Variants in CDKL5 observed in about 807,000 individuals in gnomAD.
CDKL5 encodes cyclin-dependent kinase-like 5.
CDKL5 carries 8 observed loss-of-function variants against 61.7 expected under a neutral mutation model. The ratio of observed to expected loss-of-function variants is 0.13; its 90% confidence interval spans 0.08 to 0.23. The LOEUF is 0.23. Ranked by LOEUF, CDKL5 falls within the 10% of genes least tolerant of loss-of-function variation. The pLI is 1.00. For missense variants in CDKL5, 440 were observed against 734.5 expected (o/e 0.60, Z 4.63); for synonymous variants, 275 against 272.3 (o/e 1.01, Z -0.10).
chrX:18,487,517 T>C (rs1290788089), intron 1 of CDKL5, among the ~76,000 whole-genome samples: 1 of 112,886 alleles, frequency 8.9e-6, no homozygotes, highest in East Asian at 2.8e-4. Flanking sequence ...CAGGCTTGTC[T>C]TGAACTCCAG....
chrX:18,527,767 CTTCT>C (rs1361236545), intron 3 of CDKL5, among the ~76,000 whole-genome samples: 3 of 111,124 alleles, frequency 2.7e-5, no homozygotes, highest in African/African-American at 9.8e-5. Flanking sequence ...TTAAGTTGCC[CTTCT>C]TTCTTTTCTT....
chrX:18,647,815 C>T (rs1569230421), intron 20 of CDKL5, among the ~76,000 whole-genome samples: 1 of 110,856 alleles, frequency 9.0e-6, no homozygotes, highest in Admixed American at 9.6e-5. Context: ...CACAGTGAGA[C>T]GCAAGAAGGG....
chrX:18,593,929 G>T (rs1925908437), intron 9 of CDKL5, among the ~76,000 whole-genome samples: 1 of 111,656 alleles, frequency 9.0e-6, no homozygotes, highest in Non-Finnish European at 1.9e-5. Flanking sequence ...AAACCATCTT[G>T]GTCTTTCCTT....
chrX:18,604,855 T>C lies in CDKL5; in HGVS notation c.1931T>C (p.Leu644Pro). Residue 644 changes from leucine to proline, a missense_variant, in exon 12 of 18, where the codon CTC (leucine) becomes CCC (proline). Coordinates refer to ENST00000623535, the MANE Select transcript of CDKL5 (RefSeq NM_001323289.2). ...GMAARANSLQ[L>P]LSPQPGEQLP... ...GCAGCTAGAGCCAACAGCCTGCAAC[T>C]CTTGTCACCCCAGGTACAGTTGAGC... The C allele has an allele frequency of 8.3e-7, 1 of 1,211,493 alleles. No homozygotes were observed. The highest frequency in any genetic ancestry group is 1.1e-6 in the Non-Finnish European group (1 of 895,460).
At chrX:18,647,958 T>G (rs900348232) in intron 20 of CDKL5, among the ~76,000 whole-genome samples, 10 of 111,788 alleles carry the variant, frequency 8.9e-5, no homozygotes, top group African/African-American at 3.3e-4. Context: ...AAGGAACTGC[T>G]TTTTCCCAGT....
chrX:18,483,081 T>G (rs1386306991), intron 1 of CDKL5, among the ~76,000 whole-genome samples: 2 of 112,047 alleles, frequency 1.8e-5, no homozygotes, highest in Non-Finnish European at 3.8e-5. Flanking sequence ...TGAGATGATA[T>G]AATAAATCCC....
rs747462040 is a variant in CDKL5 at position 18,634,578 on chromosome X, G to T, written c.*5821G>T. 2 of 752,494 alleles carry T rather than the reference G, an allele frequency of 2.7e-6. No individual in the cohort carries two copies. Among genetic ancestry groups the T allele is most frequent in the African/African-American group, 4.6e-5 (2 of 43,232 alleles). The allele number at this position is 752,494 out of a possible 1,213,427, so 62.0% of individuals were successfully genotyped here. A position where few individuals can be genotyped will look rare whatever the true frequency, so the allele number is the denominator to read the frequency against. ...TTTTCCAAAATGGAAAGCAAAGCTT[G>T]CAGACAACCTGTTTTCTCTAGAGAC... On this transcript the variant is annotated 3_prime_UTR_variant, in exon 18 of 18. Transcript: ENST00000623535.
At chrX:18,471,561 C>T (rs935483669) in intron 1 of CDKL5, among the ~76,000 whole-genome samples, 27 of 109,853 alleles carry the variant, frequency 2.5e-4, no homozygotes, top group African/African-American at 8.3e-4. Flanking sequence ...TTTGTAGAGA[C>T]GAGGTCTCCT....
At chrX:18,525,071 T>C (rs1399477625) in intron 3 of CDKL5, among the ~76,000 whole-genome samples, 1 of 111,276 alleles carries the variant, frequency 9.0e-6, no homozygotes, top group African/African-American at 3.3e-5. Flanking sequence ...TATAGGCTCA[T>C]GCCACCATGC....
chrX:18,470,533 A>G (rs1921055849), intron 1 of CDKL5, among the ~76,000 whole-genome samples: 1 of 111,139 alleles, frequency 9.0e-6, no homozygotes, highest in Non-Finnish European at 1.9e-5. Flanking sequence ...TTAATTGCTG[A>G]ATTTTGAGTA....
At chrX:18,482,827 T>C (rs919118190) in intron 1 of CDKL5, among the ~76,000 whole-genome samples, 9 of 111,860 alleles carry the variant, frequency 8.0e-5, no homozygotes, top group African/African-American at 2.9e-4. Flanking sequence ...TAGTTCTAAA[T>C]TGTTGAGGCC....
In CDKL5 at chrX:18,503,240, A is replaced by G. The variant is rs1424296947; in HGVS notation, c.-162-3695A>G. Among the ~76,000 whole-genome samples the G allele has an allele frequency of 5.3e-5, 6 of 112,423 alleles. No homozygotes were observed. The East Asian group carries it at 1.4e-3, about 26-fold the overall frequency. Reference sequence around the variant, plus strand: ...GCTCTATTGTCCAGGCTAGAGTGCAATGGCACAATCTTGGCTTACTGCAGC... The same window carrying G: ...GCTCTATTGTCCAGGCTAGAGTGCAGTGGCACAATCTTGGCTTACTGCAGC... On this transcript the variant is annotated intron_variant, in intron 1 of 17. Coordinates refer to ENST00000623535, the MANE Select transcript of CDKL5 (RefSeq NM_001323289.2).
Position 18,634,405 on chromosome X carries a change from C to T in CDKL5, c.*5648C>T, listed in dbSNP as rs1209587746. ...AAAGGTAGATGCCTTGACTTTTGTCCCTGTTGTGGGGACTAAAGTGTTTTT... is the reference window on the plus strand; with the variant it reads ...AAAGGTAGATGCCTTGACTTTTGTCTCTGTTGTGGGGACTAAAGTGTTTTT... On this transcript the variant is annotated 3_prime_UTR_variant, in exon 18 of 18. Coordinates refer to ENST00000623535, the MANE Select transcript of CDKL5 (RefSeq NM_001323289.2). 2 of 751,915 alleles carry T rather than the reference C, an allele frequency of 2.7e-6. No homozygotes were observed. The highest frequency in any genetic ancestry group is 1.6e-6 in the Non-Finnish European group (1 of 638,593). The allele number at this position is 751,915 out of a possible 1,213,427, so 62.0% of individuals were successfully genotyped here. A position where few individuals can be genotyped will look rare whatever the true frequency, so the allele number is the denominator to read the frequency against.
In CDKL5 at chrX:18,546,469, C is replaced by T. The variant is rs1924205168; in HGVS notation, c.100-18008C>T. Among the ~76,000 whole-genome samples the T allele has an allele frequency of 2.7e-5, 3 of 110,475 alleles. No homozygotes were observed. The South Asian group carries it at 1.2e-3, about 43-fold the overall frequency. ...TAGAGATGGGGTTTCACCATGTTGG[C>T]CAGGCTGGTCTCGGACCTCCTGACC... On this transcript the variant is annotated intron_variant, in intron 3 of 17. Coordinates refer to ENST00000623535, the MANE Select transcript of CDKL5 (RefSeq NM_001323289.2).
At chrX:18,552,225 GA>G (rs2147123085) in intron 3 of CDKL5, among the ~76,000 whole-genome samples, 1 of 99,367 alleles carries the variant, frequency 1.0e-5, no homozygotes, top group Non-Finnish European at 2.0e-5. Context: ...GCAACAGAGT[GA>G]GACTCCGTCT....
chrX:18,458,367 CAT>C (rs1300716159), intron 1 of CDKL5, among the ~76,000 whole-genome samples: 1 of 111,811 alleles, frequency 8.9e-6, no homozygotes, highest in Non-Finnish European at 1.9e-5. Flanking sequence ...ATATGATGGA[CAT>C]GTGTAGAATT....
At chrX:18,511,969 G>A (rs1358473672) in intron 3 of CDKL5, among the ~76,000 whole-genome samples, 2 of 111,927 alleles carry the variant, frequency 1.8e-5, no homozygotes, top group Non-Finnish European at 3.8e-5. Context: ...GGATAATAGT[G>A]TAGATTATGA....
At chrX:18,625,931 T>A (rs1471163633) in intron 17 of CDKL5, among the ~76,000 whole-genome samples, 2 of 111,947 alleles carry the variant, frequency 1.8e-5, no homozygotes, top group Non-Finnish European at 3.8e-5. Context: ...TTTTTTGATA[T>A]TGAGTATTTT....
At position 18,630,177 on chromosome X, in the gene CDKL5, T is replaced by A. The variant is rs1927194314; in HGVS notation, c.*1420T>A. 3 of 751,619 alleles carry A rather than the reference T, an allele frequency of 4.0e-6. No homozygotes were observed. The highest frequency in any genetic ancestry group is 4.7e-6 in the Non-Finnish European group (3 of 638,706). The allele number at this position is 751,619 out of a possible 1,213,427, so 61.9% of individuals were successfully genotyped here. On this transcript the variant is annotated 3_prime_UTR_variant, in exon 18 of 18. Transcript: ENST00000623535. Reference sequence around the variant, plus strand: ...CTGTCCACTTATGACAAGATTTTCATGCACACCTGTTACGCACACAACCCC... The same window carrying A: ...CTGTCCACTTATGACAAGATTTTCAAGCACACCTGTTACGCACACAACCCC...
Sources: allele counts gnomAD v4.1 joint callset (sites outside exome capture counted in the v4.1 genomes callset), GRCh38; gene constraint gnomAD v4.1.1; transcripts MANE v1.5; gene names NCBI Gene and HGNC (gene_info 2026-07-23, HGNC 2026-07-21).